Variants in MARCHF8 observed in about 807,000 individuals in gnomAD.
MARCHF8 encodes the protein membrane associated ring-CH-type finger 8, also known as E3 ubiquitin-protein ligase MARCHF8.
MARCHF8 carries 40 observed loss-of-function variants against 51.6 expected under a neutral mutation model. The ratio of observed to expected loss-of-function variants is 0.77; its 90% CI spans 0.60 to 1.01. The LOEUF is 1.01. Among genes scored for constraint, MARCHF8 ranks in the 50% least tolerant of loss-of-function variants. MARCHF8 has a pLI of 0.00. For synonymous variants in MARCHF8, 263 were observed against 280.3 expected (o/e 0.94, Z 0.62); for missense variants, 685 against 708.6 (o/e 0.97, Z 0.38).
At chr10:45,550,451 C>A (rs2044182130) in intron 1 of MARCHF8, among the ~76,000 whole-genome samples, 1 of 152,180 alleles carries the variant, frequency 6.6e-6, no homozygotes, top group South Asian at 2.1e-4. Context: ...GTGCTTCCTG[C>A]AGAAAGAATT....
chr10:45,519,232 TAAG>T (rs1317155376), intron 2 of MARCHF8, among the ~76,000 whole-genome samples: 5 of 152,218 alleles, frequency 3.3e-5, no homozygotes, highest in Non-Finnish European at 7.3e-5. Flanking sequence ...ATCTGTACAA[TAAG>T]GAGTTCCTAC....
chr10:45,504,505 G>GT (rs144733664), intron 2 of MARCHF8, among the ~76,000 whole-genome samples: 3,725 of 152,260 alleles, frequency 0.024, 156 homozygotes, highest in African/African-American at 0.084. Flanking sequence ...TATACACCTT[G>GT]TTTTTTCTCC....
At chr10:45,501,430 T>C (rs542455276) in intron 2 of MARCHF8, among the ~76,000 whole-genome samples, 95 of 152,210 alleles carry the variant, frequency 6.2e-4, no homozygotes, top group Non-Finnish European at 1.2e-3. Flanking sequence ...AAAGAGAATT[T>C]TCAACAAATG....
intron 3 of MARCHF8, among the ~76,000 whole-genome samples, chr10:45,467,799 C>T (rs943532138): frequency 6.6e-6 from 1 of 152,154 alleles, no homozygotes; most frequent in African/African-American, 2.4e-5. Flanking sequence ...CTACACTCTC[C>T]TCTCCATAGG....
chr10:45,508,042 T>G (rs2133177940), intron 2 of MARCHF8, among the ~76,000 whole-genome samples: 1 of 152,292 alleles, frequency 6.6e-6, no homozygotes, highest in Middle Eastern at 3.4e-3. Context: ...ATGTCCTTGA[T>G]TAAATATTTC....
chr10:45,566,988 GAT>G lies in MARCHF8; in HGVS notation c.-79+27245_-79+27246del, dbSNP rs1292968316. 4.6e-5 allele frequency among the ~76,000 whole-genome samples: 7 copies of G among 152,238 alleles called. No homozygotes were observed. The East Asian group carries it at 1.3e-3, about 29-fold the overall frequency. On this transcript the variant is annotated intron_variant, in intron 1 of 6. Coordinates refer to the MARCHF8 transcript ENST00000319836. ...TGGATATGACATATTAATTAGGTGAGATATCTCATTGTAGTTTTGATTTGCAT... is the reference window on the plus strand; with the variant it reads ...TGGATATGACATATTAATTAGGTGAGATCTCATTGTAGTTTTGATTTGCAT...
At chr10:45,474,762 C>G (rs1364665999) in intron 3 of MARCHF8, among the ~76,000 whole-genome samples, 1 of 152,140 alleles carries the variant, frequency 6.6e-6, no homozygotes, top group South Asian at 2.1e-4. Flanking sequence ...CTAGAGCAGG[C>G]AAGGAGAGGG....
intron 1 of MARCHF8, among the ~76,000 whole-genome samples, chr10:45,548,814 G>A (rs2044159358): frequency 2.0e-5 from 3 of 152,008 alleles, no homozygotes; most frequent in Admixed American, 2.0e-4. Context: ...GGCCAACATG[G>A]TGAAACCCTG....
chr10:45,584,126 C>CATATATATATATAT lies in MARCHF8; in HGVS notation c.-79+10095_-79+10108dup, dbSNP rs55978063. Among the ~76,000 whole-genome samples, 29 of 85,356 alleles carry CATATATATATATAT rather than the reference C, an allele frequency of 3.4e-4. 1 individual carries two copies. The highest frequency in any genetic ancestry group is 4.9e-4 in the Admixed American group (4 of 8,136). The allele number at this position is 85,356 out of a possible 152,430, so 56.0% of individuals were successfully genotyped here. A position where few individuals can be genotyped will look rare whatever the true frequency, so the allele number is the denominator to read the frequency against. ...TAGATTCTACCAACATATATACAATCATATATATATATATATATATATATA... is the reference window on the plus strand; with the variant it reads ...TAGATTCTACCAACATATATACAATCATATATATATATATATATATATATATATATATATATATA... On this transcript the variant is annotated intron_variant, in intron 1 of 6. Transcript: ENST00000319836.
At chr10:45,516,342 G>A (rs2043617636) in intron 2 of MARCHF8, among the ~76,000 whole-genome samples, 1 of 152,142 alleles carries the variant, frequency 6.6e-6, no homozygotes, top group East Asian at 1.9e-4. Flanking sequence ...GTAGAGACAG[G>A]GTCTTACTAT....
chr10:45,557,956 A>C (rs1257569744), intron 1 of MARCHF8, among the ~76,000 whole-genome samples: 1 of 152,216 alleles, frequency 6.6e-6, no homozygotes, highest in Non-Finnish European at 1.5e-5. Context: ...TGACTTAGCT[A>C]TAAATTTGGT....
rs1589156201 is a variant in MARCHF8 at position 45,532,750 on chromosome 10, A to G, written c.102+360T>C. ...TACAGCAGCTAGGGCAGACTAAGAC[A>G]CATATTAAGAAATTCCAGCCATCTG... On this transcript the variant is annotated intron_variant, in intron 2 of 7. Transcript: ENST00000453424. Among the ~76,000 whole-genome samples the G allele has an allele frequency of 8.5e-5, 13 of 152,344 alleles. No homozygotes were observed. In the South Asian group the frequency reaches 2.7e-3, roughly 32 times the overall value.
In MARCHF8 at chr10:45,455,778, C is replaced by T. The variant is rs192254907; in HGVS notation, c.*2461G>A. On this transcript the variant is annotated 3_prime_UTR_variant, in exon 8 of 8. Transcript: ENST00000453424. ...AAGGCAAGGGGGTGGCTCTGTGCCC[C>T]GCCAGGAGAGGAAAGAAGAATGTGT... 1.3e-5 allele frequency: 2 copies of T among 152,438 alleles called. No individual in the cohort carries two copies. Among genetic ancestry groups the T allele is most frequent in the African/African-American group, 2.4e-5 (1 of 41,424 alleles). The allele number at this position is 152,438 out of a possible 1,614,324, so 9.4% of individuals were successfully genotyped here.
intron 1 of MARCHF8, among the ~76,000 whole-genome samples, chr10:45,592,464 C>CG (rs967641919): frequency 2.6e-5 from 4 of 151,746 alleles, no homozygotes; most frequent in East Asian, 1.9e-4. Context: ...GTGTCTTTTA[C>CG]GGGGGGGAAA....
chr10:45,589,167 A>G (rs2044650652), intron 1 of MARCHF8, among the ~76,000 whole-genome samples: 1 of 152,166 alleles, frequency 6.6e-6, no homozygotes, highest in African/African-American at 2.4e-5. Context: ...AACAATGGAC[A>G]TTTATTACCT....
chr10:45,580,271 AAAGTTT>A (rs1564523098), intron 1 of MARCHF8, among the ~76,000 whole-genome samples: 1 of 152,216 alleles, frequency 6.6e-6, no homozygotes, highest in African/African-American at 2.4e-5. Flanking sequence ...TTAAGAGAAT[AAAGTTT>A]ACAAAATGGG....
intron 2 of MARCHF8, among the ~76,000 whole-genome samples, chr10:45,521,316 C>A (rs546215541): frequency 6.6e-6 from 1 of 152,322 alleles, no homozygotes; most frequent in East Asian, 1.9e-4. Flanking sequence ...TACCCAAAAC[C>A]AGTAATTCCA....
At position 45,456,576 on chromosome 10, in the gene MARCHF8, T is replaced by C. The variant is rs1367013975; in HGVS notation, c.*1663A>G. The C allele has an allele frequency of 6.6e-6, 1 of 152,192 alleles. No individual in the cohort carries two copies. Among genetic ancestry groups the C allele is most frequent in the Non-Finnish European group, 1.5e-5 (1 of 68,048 alleles). 9.4% of individuals were successfully genotyped at this position (152,192 alleles called of 1,614,324 possible). ...GCAAAGGAATCACCTCGTGTTTGCTTCATCCCCTTAGCAGGATGAACGAAA... is the reference window on the plus strand; with the variant it reads ...GCAAAGGAATCACCTCGTGTTTGCTCCATCCCCTTAGCAGGATGAACGAAA... On this transcript the variant is annotated 3_prime_UTR_variant, in exon 8 of 8. Transcript: ENST00000453424.
intron 3 of MARCHF8, among the ~76,000 whole-genome samples, chr10:45,468,408 TC>T (rs1252448469): frequency 6.6e-6 from 1 of 152,220 alleles, no homozygotes; most frequent in African/African-American, 2.4e-5. Flanking sequence ...CTGCCCAGCC[TC>T]CTCTATTACC....
Sources: allele counts gnomAD v4.1 joint callset (sites outside exome capture counted in the v4.1 genomes callset), GRCh38; gene constraint gnomAD v4.1.1; transcripts MANE v1.5; gene names NCBI Gene and HGNC (gene_info 2026-07-23, HGNC 2026-07-21).